C2orf76: variants seen among roughly 807,000 people sequenced by gnomAD.
C2orf76 encodes chromosome 2 open reading frame 76, also known as UPF0538 protein C2orf76.
Under a neutral mutation model 16.9 loss-of-function variants are expected in C2orf76, and 23 were observed. That is an observed-to-expected ratio of 1.36 (90% CI 0.98 to 1.93). C2orf76 has a LOEUF of 1.93. Among genes scored for constraint, C2orf76 ranks in the 30% most tolerant of loss-of-function variants. The pLI, the probability that C2orf76 is intolerant of heterozygous loss-of-function variation, is 0.00. For missense variants in C2orf76, 152 were observed against 152.6 expected (o/e 1.00, Z 0.02); for synonymous variants, 48 against 52.3 (o/e 0.92, Z 0.35).
the C2orf76 span, among the ~76,000 whole-genome samples, chr2:119,284,601 C>T: frequency 2.6e-5 from 4 of 151,872 alleles, no homozygotes; most frequent in East Asian, 1.9e-4. Context: ...TGTTACTATA[C>T]GGAAACACTG....
chr2:119,288,158 A>ATTTTTTT, the C2orf76 span, among the ~76,000 whole-genome samples: 4 of 140,252 alleles, frequency 2.9e-5, no homozygotes, highest in Non-Finnish European at 4.6e-5. Flanking sequence ...TTATACTTCA[A>ATTTTTTT]TTTTTTTTTT....
intron 2 of C2orf76, among the ~76,000 whole-genome samples, chr2:119,337,265 C>G (rs1252501325): frequency 6.7e-6 from 1 of 150,264 alleles, no homozygotes; most frequent in East Asian, 2.0e-4. Flanking sequence ...GAGACAGGGT[C>G]TTGCTATGTT....
chr2:119,287,285 T>C, the C2orf76 span, among the ~76,000 whole-genome samples: 2 of 152,206 alleles, frequency 1.3e-5, no homozygotes, highest in Non-Finnish European at 2.9e-5. Flanking sequence ...GGAAAAATAC[T>C]TGAAATTTTG....
chr2:119,340,583 A>T lies in C2orf76; in HGVS notation c.-12-612T>A, dbSNP rs1422207891. On this transcript the variant is annotated intron_variant, in intron 1 of 5. Coordinates refer to ENST00000334816, the MANE Select transcript of C2orf76 (RefSeq NM_001322331.2). ...TTTAATTCATTTAATTCTCTAAACA[A>T]AACATGAAGCATTTTGCCTCATGGT... Among the ~76,000 whole-genome samples, 3 of 152,146 alleles carry T rather than the reference A, an allele frequency of 2.0e-5. No individual in the cohort carries two copies. In the East Asian group the frequency reaches 5.8e-4, roughly 29 times the overall value.
intron 5 of C2orf76, 65 bp downstream of exon 5, chr2:119,311,557 T>C (rs915106230): frequency 8.1e-5 from 127 of 1,570,016 alleles, no homozygotes; most frequent in Non-Finnish European, 9.8e-5. Context: ...CCAAATACCA[T>C]CAGCCAGGCC....
chr2:119,311,769 C>T (rs1678999961), intron 4 of C2orf76, 66 bp from the exon 5 acceptor site: 1 of 1,402,062 alleles, frequency 7.1e-7, no homozygotes, highest in Admixed American at 2.1e-5. Context: ...TGAGACTTCT[C>T]AAAGACACAG....
At chr2:119,303,738 C>T (rs1442160197) in intron 5 of C2orf76, among the ~76,000 whole-genome samples, 1 of 152,172 alleles carries the variant, frequency 6.6e-6, no homozygotes, top group East Asian at 1.9e-4. Flanking sequence ...TACCCATGCT[C>T]ATTACAGAAA....
chr2:119,302,051 T>C (rs1347217090), downstream of C2orf76, among the ~76,000 whole-genome samples: 1 of 152,132 alleles, frequency 6.6e-6, no homozygotes, highest in Non-Finnish European at 1.5e-5. Context: ...AAACTCAGAA[T>C]TTCTGGTAGC....
intron 4 of C2orf76, among the ~76,000 whole-genome samples, chr2:119,313,026 CAAAAAAA>C (rs536874855): frequency 2.7e-4 from 25 of 93,636 alleles, no homozygotes; most frequent in East Asian, 2.3e-3. Flanking sequence ...AGACTCCATT[CAAAAAAA>C]AAAAAAAAAA....
intron 1 of C2orf76, among the ~76,000 whole-genome samples, chr2:119,361,950 G>A (rs1011691371): frequency 7.9e-5 from 12 of 152,262 alleles, no homozygotes; most frequent in African/African-American, 2.9e-4. Flanking sequence ...CTGGAGTGTA[G>A]TGGCAGGATT....
chr2:119,367,086 C>T (rs1285273774), upstream of C2orf76: 1 of 1,613,560 alleles, frequency 6.2e-7, no homozygotes, highest in Admixed American at 1.7e-5. Context: ...AGCCAGGCTG[C>T]GAAGGTGCAG....
intron 4 of C2orf76, among the ~76,000 whole-genome samples, chr2:119,314,267 A>C (rs72829472): frequency 0.022 from 3,319 of 151,364 alleles, 60 homozygotes; most frequent in Non-Finnish European, 0.036. Flanking sequence ...AGTGTAATAA[A>C]CCCCCTGCCC....
At chr2:119,328,951 ACTGT>A (rs1216552909) in intron 2 of C2orf76, among the ~76,000 whole-genome samples, 1 of 152,188 alleles carries the variant, frequency 6.6e-6, no homozygotes, top group Non-Finnish European at 1.5e-5. Flanking sequence ...GAAAATAGAC[ACTGT>A]CTAATTTGAA....
chr2:119,366,552 G>A (rs950429598), intron 1 of C2orf76: 6 of 467,634 alleles, frequency 1.3e-5, no homozygotes, highest in African/African-American at 1.0e-4. Flanking sequence ...CCCAAGGGAG[G>A]AGCGGGTCCC....
At chr2:119,287,069 C>T in the C2orf76 span, among the ~76,000 whole-genome samples, 1 of 152,174 alleles carries the variant, frequency 6.6e-6, no homozygotes, top group Non-Finnish European at 1.5e-5. Context: ...GGGCAGGTCA[C>T]TTTACCTCCA....
chr2:119,321,175 G>C lies in C2orf76; in HGVS notation c.163C>G (p.Pro55Ala). The change falls in exon 3 of 6, where the codon CCA (proline) becomes GCA (alanine). Residue 55 changes from proline (P) to alanine (A), a missense_variant. Physicochemically the swap from Pro to Ala is conservative, Grantham distance 27. Coordinates refer to ENST00000334816, the MANE Select transcript of C2orf76 (RefSeq NM_001322331.2). ...DIPLRTNLPPPFRNYKYDALK... is the reference protein window; with the variant it reads ...DIPLRTNLPPAFRNYKYDALK... The stretch of plus-strand genomic sequence containing the variant: ...TTACCATATTTATAATTTCTGAATG[G>C]TGGTGGCAGGTTGGTCCTTAAAGGG... The C allele has an allele frequency of 7.0e-7, 1 of 1,434,906 alleles. No homozygotes were observed. Among genetic ancestry groups the C allele is most frequent in the Non-Finnish European group, 9.5e-7 (1 of 1,057,338 alleles). 88.9% of individuals were successfully genotyped at this position (1,434,906 alleles called of 1,614,324 possible). A position where few individuals can be genotyped will look rare whatever the true frequency, so the allele number is the denominator to read the frequency against.
chr2:119,286,504 G>C, the C2orf76 span, among the ~76,000 whole-genome samples: 1 of 152,128 alleles, frequency 6.6e-6, no homozygotes, highest in Non-Finnish European at 1.5e-5. Context: ...GGACAGGGGA[G>C]AGCTGGGGGA....
the C2orf76 span, among the ~76,000 whole-genome samples, chr2:119,286,395 C>T: frequency 2.6e-4 from 40 of 151,980 alleles, 1 homozygote; most frequent in Non-Finnish European, 1.5e-4. Flanking sequence ...CTTGGTTGTG[C>T]CTCCCAGGAT....
chr2:119,320,310 T>C (rs1033897422), intron 3 of C2orf76, among the ~76,000 whole-genome samples: 2 of 152,230 alleles, frequency 1.3e-5, no homozygotes, highest in Admixed American at 6.5e-5. Context: ...ACATTATACT[T>C]TGAAAGCCTT....
Sources: allele counts gnomAD v4.1 joint callset (sites outside exome capture counted in the v4.1 genomes callset), GRCh38; gene constraint gnomAD v4.1.1; transcripts MANE v1.5; gene names NCBI Gene and HGNC (gene_info 2026-07-23, HGNC 2026-07-21).